SLC24A2: variants seen among roughly 807,000 people sequenced by gnomAD.
SLC24A2 encodes the protein solute carrier family 24 member 2.
Under a neutral mutation model 62.0 loss-of-function variants are expected in SLC24A2, and 36 were observed. The observed-to-expected ratio is 0.58, with a 90% CI of 0.44 to 0.77. The LOEUF (loss-of-function observed/expected upper bound fraction) is 0.77, where lower values mean the gene tolerates loss of function less well. Ranked by LOEUF, SLC24A2 falls within the 30% of genes least tolerant of loss-of-function variation. SLC24A2 has a pLI of 0.00. For missense variants in SLC24A2, 846 were observed against 817.9 expected, an observed-to-expected ratio of 1.03 and a Z score of -0.42; for synonymous variants, 358 against 294.0, an observed-to-expected ratio of 1.22 and a Z score of -2.23.
At chr9:19,551,587 C>T (rs1239655049) in intron 7 of SLC24A2, among the ~76,000 whole-genome samples, 1 of 152,156 alleles carries the variant, frequency 6.6e-6, no homozygotes, top group Non-Finnish European at 1.5e-5. Context: ...ACTGATGCTT[C>T]CTTTTGAGAC....
chr9:19,820,627 G>C, the SLC24A2 span, among the ~76,000 whole-genome samples: 1 of 151,748 alleles, frequency 6.6e-6, no homozygotes, highest in African/African-American at 2.4e-5. Context: ...AAATTACCAG[G>C]GTGATACATC....
chr9:19,611,185 T>C (rs893285732), intron 4 of SLC24A2, among the ~76,000 whole-genome samples: 26 of 151,040 alleles, frequency 1.7e-4, no homozygotes, highest in Non-Finnish European at 4.4e-5. Context: ...AGGGGGAACA[T>C]GTGTAAGGGC....
intron 2 of SLC24A2, among the ~76,000 whole-genome samples, chr9:19,698,227 T>A (rs1223340304): frequency 6.6e-6 from 1 of 152,162 alleles, no homozygotes; most frequent in Non-Finnish European, 1.5e-5. Flanking sequence ...CCTGACCTCA[T>A]GTGACAGTTC....
chr9:20,084,466 T>TC, the SLC24A2 span, among the ~76,000 whole-genome samples: 3 of 151,428 alleles, frequency 2.0e-5, no homozygotes, highest in East Asian at 2.0e-4. Context: ...TTTCCTTCCT[T>TC]CTTTTCCTTT....
the SLC24A2 span, among the ~76,000 whole-genome samples, chr9:19,817,151 A>G: frequency 2.6e-5 from 4 of 152,104 alleles, no homozygotes; most frequent in South Asian, 6.2e-4. Context: ...TCTCGGTTTC[A>G]TATATCAAAA....
At chr9:19,649,899 C>T (rs934803057) in intron 2 of SLC24A2, among the ~76,000 whole-genome samples, 1 of 152,196 alleles carries the variant, frequency 6.6e-6, no homozygotes, top group African/African-American at 2.4e-5. Flanking sequence ...TTGTAGTAAT[C>T]ATCCAGTTGC....
chr9:20,048,027 T>C, the SLC24A2 span, among the ~76,000 whole-genome samples: 3,338 of 152,284 alleles, frequency 0.022, 98 homozygotes, highest in African/African-American at 0.072. Context: ...ACACATATCC[T>C]ATCCTATCTT....
At chr9:19,628,014 G>T (rs1818078682) in intron 2 of SLC24A2, among the ~76,000 whole-genome samples, 1 of 152,092 alleles carries the variant, frequency 6.6e-6, no homozygotes, top group African/African-American at 2.4e-5. Context: ...TTCTTTCAAT[G>T]CCTCTCACAG....
the SLC24A2 span, among the ~76,000 whole-genome samples, chr9:20,175,337 C>T: frequency 5.9e-5 from 9 of 151,772 alleles, no homozygotes; most frequent in African/African-American, 2.2e-4. Flanking sequence ...CACTAAAGAA[C>T]TCATTCATGT....
the SLC24A2 span, among the ~76,000 whole-genome samples, chr9:19,876,912 C>T: frequency 6.6e-6 from 1 of 152,054 alleles, no homozygotes; most frequent in African/African-American, 2.4e-5. Context: ...CTGTTTTCTG[C>T]TTCATTTTTG....
At chr9:19,529,090 C>G (rs1833571971) in intron 8 of SLC24A2, among the ~76,000 whole-genome samples, 1 of 152,178 alleles carries the variant, frequency 6.6e-6, no homozygotes, top group South Asian at 2.1e-4. Context: ...ACTCAGACAG[C>G]ACAATGCTGT....
the SLC24A2 span, among the ~76,000 whole-genome samples, chr9:19,934,332 A>G: frequency 6.6e-6 from 1 of 152,122 alleles, no homozygotes; most frequent in African/African-American, 2.4e-5. This position sits in a 1 kb window ranked among gnomAD's most constrained non-coding sequence, Gnocchi z 4.1. Flanking sequence ...GCAGGAAGCA[A>G]ACAGGTGGCT....
chr9:20,282,459 ACT>A, the SLC24A2 span, among the ~76,000 whole-genome samples: 4 of 152,192 alleles, frequency 2.6e-5, no homozygotes, highest in Admixed American at 6.5e-5. Flanking sequence ...AAACCTACAC[ACT>A]GTTTGCATTT....
At chr9:19,605,456 A>G (rs980983248) in intron 4 of SLC24A2, among the ~76,000 whole-genome samples, 1 of 152,148 alleles carries the variant, frequency 6.6e-6, no homozygotes, top group Non-Finnish European at 1.5e-5. Flanking sequence ...AACTCTGTAA[A>G]TACAGAGATT....
At chr9:20,107,582 C>G in the SLC24A2 span, among the ~76,000 whole-genome samples, 1 of 152,142 alleles carries the variant, frequency 6.6e-6, no homozygotes, top group Non-Finnish European at 1.5e-5. Context: ...CTGAGAAAAA[C>G]AAGCAATGGG....
intron 2 of SLC24A2, among the ~76,000 whole-genome samples, chr9:19,645,626 C>G (rs1818619244): frequency 6.6e-6 from 1 of 152,038 alleles, no homozygotes; most frequent in African/African-American, 2.4e-5. Context: ...GGTGACAGTT[C>G]TCAGGCCAAG....
the SLC24A2 span, among the ~76,000 whole-genome samples, chr9:20,130,605 T>C: frequency 6.6e-6 from 1 of 151,786 alleles, no homozygotes; most frequent in Non-Finnish European, 1.5e-5. Context: ...ATGTAGGAAA[T>C]AGGAAATGGG....
the SLC24A2 span, among the ~76,000 whole-genome samples, chr9:20,289,022 C>A: frequency 6.6e-6 from 1 of 152,030 alleles, no homozygotes; most frequent in African/African-American, 2.4e-5. Context: ...ATTTCAGTGG[C>A]TGGAATTATC....
chr9:19,744,161 C>G (rs1404449787), intron 2 of SLC24A2, among the ~76,000 whole-genome samples: 2 of 152,150 alleles, frequency 1.3e-5, no homozygotes, highest in Non-Finnish European at 2.9e-5. Flanking sequence ...ATGCCCTCCT[C>G]TCTTAGGTTC....
Sources: allele counts gnomAD v4.1 joint callset (sites outside exome capture counted in the v4.1 genomes callset), GRCh38; gene constraint gnomAD v4.1.1; non-coding constraint Gnocchi (gnomAD v3.1); transcripts MANE v1.5; gene names NCBI Gene and HGNC (gene_info 2026-07-23, HGNC 2026-07-21).